WNT10B: variants seen among roughly 807,000 people sequenced by gnomAD.
WNT10B encodes Wnt family member 10B.
A neutral mutation model predicts 32.7 loss-of-function variants in WNT10B; 26 were observed. That is an observed-to-expected ratio of 0.79 (90% confidence interval 0.58 to 1.10). WNT10B has a LOEUF of 1.10. Ranked by LOEUF, WNT10B falls within the 50% of genes least tolerant of loss-of-function variation. The probability of loss-of-function intolerance (pLI) is 0.00; values close to 1 mark genes in which losing one functional copy is unlikely to be tolerated. For synonymous variants in WNT10B, 204 were observed against 220.4 expected (o/e 0.93, Z 0.66); for missense variants, 474 against 532.5 (o/e 0.89, Z 1.08).
rs1163832751 is a variant in WNT10B, at chr12:48,968,227, A to G, written c.430T>C (p.Cys144Arg). 5.6e-6 allele frequency: 9 copies of G among 1,612,570 alleles called. No homozygotes were observed. Among genetic ancestry groups the G allele is most frequent in the Non-Finnish European group, 6.8e-6 (8 of 1,180,020 alleles). ...TACSLGKLVSCGCGWKGSGEQ... is the reference protein window; with the variant it reads ...TACSLGKLVSRGCGWKGSGEQ... ...CCACTGCCCTTCCAGCCACAGCCAC[A>G]GCTCACCAGCTTGCCCAGGCTGCAG... Residue 144 changes from cysteine (C) to arginine (R), a missense_variant, in exon 4 of 5, where the codon TGT (cysteine) becomes CGT (arginine). By Grantham distance (180) the Cys-to-Arg change is radical (BLOSUM62 -3). Transcript: ENST00000301061.
chr12:48,968,182 C>G lies in WNT10B; in HGVS notation c.475G>C (p.Ala159Pro), dbSNP rs577800050. 5.6e-6 allele frequency: 9 copies of G among 1,613,988 alleles called. No homozygotes were observed. In the East Asian group the frequency reaches 1.1e-4, roughly 20 times the overall value. The change falls in exon 4 of 5, where the codon GCC (alanine) becomes CCC (proline). Residue 159 changes from alanine to proline, a missense_variant. Transcript: ENST00000301061. ...KGSGEQDRLR[A>P]KLLQLQALSR... ...AGTGCCTGCAGCTGCAGCAGTTTGG[C>G]CCTCAGCCGATCCTGCTCACCACTG...
chr12:48,968,059 T>G lies in WNT10B; in HGVS notation c.598A>C (p.Asn200His), dbSNP rs1317624988. ...TTCTCTCCAAAGTCCATGTCATGGT[T>G]ACAGCCACCCCATTCCCATGTGTCC... The part of the protein sequence containing the change: ...PQDTWEWGGC[N>H]HDMDFGEKFS... Residue 200 changes from asparagine to histidine, a missense_variant, in exon 4 of 5, where the codon AAC (asparagine) becomes CAC (histidine). Coordinates refer to ENST00000301061, the MANE Select transcript of WNT10B (RefSeq NM_003394.4). 2 of 1,614,274 alleles carry G rather than the reference T, an allele frequency of 1.2e-6. No homozygotes were observed. The highest frequency in any genetic ancestry group is 1.7e-6 in the Non-Finnish European group (2 of 1,180,048).
In WNT10B at chr12:48,968,264, T is replaced by C. The variant is rs750882560; in HGVS notation, c.393A>G (p.Ala131=). The C allele has an allele frequency of 1.6e-5, 25 of 1,607,686 alleles. No homozygotes were observed. Among genetic ancestry groups the C allele is most frequent in the Non-Finnish European group, 2.0e-5 (24 of 1,180,024 alleles). Residue 131 remains alanine, a synonymous_variant, in exon 4 of 5, where the codon GCA becomes GCG. Transcript: ENST00000301061. ...TGCCCAGGCTGCAGGCCGTGGCTACTGCGTGCATGACCCCAGCAGCCAGCA... is the reference window on the plus strand; with the variant it reads ...TGCCCAGGCTGCAGGCCGTGGCTACCGCGTGCATGACCCCAGCAGCCAGCA... ...FSMLAAGVMH[A]VATACSLGKL...
chr12:48,966,881 G>A (rs1940745199), intron 4 of WNT10B, among the ~76,000 whole-genome samples: 1 of 152,208 alleles, frequency 6.6e-6, no homozygotes. Flanking sequence ...CTGGCCCACA[G>A]CATGCCTAAA....
In WNT10B at chr12:48,970,027, C is replaced by T; in HGVS notation, c.337+62G>A. The T allele has an allele frequency of 1.4e-6, 2 of 1,393,028 alleles. No individual in the cohort carries two copies. Among genetic ancestry groups the T allele is most frequent in the Non-Finnish European group, 1.8e-6 (2 of 1,081,122 alleles). The allele number at this position is 1,393,028 out of a possible 1,614,324, so 86.3% of individuals were successfully genotyped here. ...AACCATCCCTTCCCGCCTCCGCGCG[C>T]CTCGCCCTGCCGCCCACCCCCTAGC... On this transcript the variant is annotated intron_variant, in intron 3 of 4. Coordinates refer to ENST00000301061, the MANE Select transcript of WNT10B (RefSeq NM_003394.4). This position sits in a 1 kb window ranked among gnomAD's most constrained non-coding sequence, Gnocchi z 5.0.
intron 4 of WNT10B, among the ~76,000 whole-genome samples, chr12:48,967,595 C>T (rs190109480): frequency 3.9e-5 from 6 of 152,178 alleles, no homozygotes; most frequent in South Asian, 2.1e-4. Flanking sequence ...CCACCGCGCC[C>T]GGCCCAGTCT....
At chr12:48,967,601 A>G (rs1470497806) in intron 4 of WNT10B, among the ~76,000 whole-genome samples, 1 of 151,956 alleles carries the variant, frequency 6.6e-6, no homozygotes, top group Non-Finnish European at 1.5e-5. Context: ...CGCCCGGCCC[A>G]GTCTGTTTTT....
Position 48,970,096 on chromosome 12 carries a change from G to T in WNT10B, c.330C>A (p.Leu110=), listed in dbSNP as rs746859204. 2.1e-5 allele frequency: 32 copies of T among 1,522,052 alleles called. No individual in the cohort carries two copies. Among genetic ancestry groups the T allele is most frequent in the Non-Finnish European group, 2.8e-5 (32 of 1,136,294 alleles). 94.3% of individuals were successfully genotyped at this position (1,522,052 alleles called of 1,614,324 possible). ...GGRLPHHSAI[L]KRGFRESAFS... ...CCGCCCAGCCAGGCTCACCGCGCTT[G>T]AGGATGGCGCTGTGGTGCGGCAGGC... Residue 110 remains leucine, a synonymous_variant, in exon 3 of 5, where the codon CTC becomes CTA. Coordinates refer to ENST00000301061, the MANE Select transcript of WNT10B (RefSeq NM_003394.4). This position sits in a 1 kb window ranked among gnomAD's most constrained non-coding sequence, Gnocchi z 5.0.
At position 48,968,132 on chromosome 12, in the gene WNT10B, G is replaced by C. The variant is rs1255985297; in HGVS notation, c.525C>G (p.His175Gln). 2 of 1,614,062 alleles carry C rather than the reference G, an allele frequency of 1.2e-6. No homozygotes were observed. The highest frequency in any genetic ancestry group is 1.7e-6 in the Non-Finnish European group (2 of 1,179,982). ...QALSRGKSFP[H>Q]SLPSPGPGSS... Reference sequence around the variant, plus strand: ...AGCCAGGGCCAGGGCTGGGCAGAGAGTGGGGGAAACTCTTGCCTCGGGACA... The same window carrying C: ...AGCCAGGGCCAGGGCTGGGCAGAGACTGGGGGAAACTCTTGCCTCGGGACA... The change falls in exon 4 of 5, where the codon CAC becomes CAG. Residue 175 changes from histidine (H) to glutamine (Q), a missense_variant. Physicochemically the swap from His to Gln is conservative, Grantham distance 24. Coordinates refer to ENST00000301061, the MANE Select transcript of WNT10B (RefSeq NM_003394.4).
chr12:48,967,607 T>C (rs1025804026), intron 4 of WNT10B, among the ~76,000 whole-genome samples: 9 of 152,022 alleles, frequency 5.9e-5, no homozygotes, highest in Admixed American at 5.9e-4. Context: ...GCCCAGTCTG[T>C]TTTTATATGT....
intron 3 of WNT10B, among the ~76,000 whole-genome samples, chr12:48,968,792 T>TG (rs1417305343): frequency 3.9e-4 from 59 of 151,734 alleles, no homozygotes; most frequent in African/African-American, 1.3e-3. Context: ...TTTTTTGTTT[T>TG]TTTTTTTTTA....
At chr12:48,967,060 G>A (rs529557096) in intron 4 of WNT10B, among the ~76,000 whole-genome samples, 54 of 152,228 alleles carry the variant, frequency 3.5e-4, no homozygotes, top group Admixed American at 1.8e-3. Context: ...GTGCCATCTC[G>A]GCTCACTGCA....
Position 48,967,254 on chromosome 12 carries a change from C to A in WNT10B, c.711+692G>T, listed in dbSNP as rs557414202. The stretch of plus-strand genomic sequence containing the variant: ...GATCTAGGCTCACTGCAACCTCTGC[C>A]TCCCAGGTTCAAGCGATTCTCCTGC... On this transcript the variant is annotated intron_variant, in intron 4 of 4. Coordinates refer to ENST00000301061, the MANE Select transcript of WNT10B (RefSeq NM_003394.4). Among the ~76,000 whole-genome samples the A allele has an allele frequency of 7.9e-5, 12 of 151,700 alleles. No individual in the cohort carries two copies. In the South Asian group the frequency reaches 2.3e-3, roughly 29 times the overall value.
At position 48,970,151 on chromosome 12, in the gene WNT10B, C is replaced by T. The variant is rs1164783554; in HGVS notation, c.275G>A (p.Trp92Ter). ...ECQHQLRDQR[W>*]NCSALEGGGR... ...GCCGCCCTCAAGCGCGGAGCAGTTC[C>T]AGCGCTGGTCGCGCAGCTGGTGCTG... The change falls in exon 3 of 5, where the codon TGG becomes TAG. Residue 92 changes from tryptophan (W) to a stop codon, truncating the protein, a stop_gained. Transcript: ENST00000301061. LOFTEE classifies it high-confidence loss of function. The surrounding 1 kb of genome is among the most constrained non-coding windows in gnomAD (Gnocchi z 5.0). The T allele has an allele frequency of 1.3e-6, 2 of 1,543,936 alleles. No individual in the cohort carries two copies. Among genetic ancestry groups the T allele is most frequent in the Admixed American group, 1.9e-5 (1 of 51,356 alleles).
At chr12:48,969,939 C>G in intron 3 of WNT10B, 150 bp downstream of exon 3, 1 of 1,044,422 alleles carries the variant, frequency 9.6e-7, no homozygotes, top group East Asian at 3.1e-5. Flanking sequence ...GTGGCCAGAC[C>G]TGGCTCAGAG....
In WNT10B at chr12:48,966,635, G is replaced by T. The variant is rs1182373766; in HGVS notation, c.712-82C>A. 2.7e-6 allele frequency: 4 copies of T among 1,502,164 alleles called. No homozygotes were observed. In the African/African-American group the frequency reaches 5.5e-5, roughly 21 times the overall value. The allele number at this position is 1,502,164 out of a possible 1,614,324, so 93.1% of individuals were successfully genotyped here. A position where few individuals can be genotyped will look rare whatever the true frequency, so the allele number is the denominator to read the frequency against. The stretch of plus-strand genomic sequence containing the variant: ...GAGGCACAGGAGAGGGAAGGGAACA[G>T]AGAACACAGGGAGGGACAAATGGAG... On this transcript the variant is annotated intron_variant, in intron 4 of 4. Transcript: ENST00000301061.
In WNT10B at chr12:48,970,325, A is replaced by G. The variant is rs766670692; in HGVS notation, c.101T>C (p.Leu34Pro). ...SRALSNEILG[L>P]KLPGEPPLTA... ...CAGCGGCGGCTCGCCAGGCAACTTC[A>G]GGCCCAGAATCTCATTGCTTAGAGC... Residue 34 changes from leucine (L) to proline (P), a missense_variant, in exon 3 of 5, where the codon CTG becomes CCG. Transcript: ENST00000301061. This position sits in a 1 kb window ranked among gnomAD's most constrained non-coding sequence, Gnocchi z 5.0. The G allele has an allele frequency of 5.0e-6, 8 of 1,613,884 alleles. No homozygotes were observed. The highest frequency in any genetic ancestry group is 6.8e-6 in the Non-Finnish European group (8 of 1,179,964).
At position 48,968,103 on chromosome 12, in the gene WNT10B, C is replaced by G. The variant is rs1356367831; in HGVS notation, c.554G>C (p.Ser185Thr). 1 of 1,614,220 alleles carries G rather than the reference C, an allele frequency of 6.2e-7. No individual in the cohort carries two copies. The highest frequency in any genetic ancestry group is 8.5e-7 in the Non-Finnish European group (1 of 1,180,030). The change falls in exon 4 of 5, where the codon AGC becomes ACC. Residue 185 changes from serine (S) to threonine (T), a missense_variant. Physicochemically the swap from Ser to Thr is moderately conservative, Grantham distance 58. Coordinates refer to ENST00000301061, the MANE Select transcript of WNT10B (RefSeq NM_003394.4). ...HSLPSPGPGS[S>T]PSPGPQDTWE... is the part of the protein sequence containing the mutation. The stretch of plus-strand genomic sequence containing the variant: ...TGTGTCCTGGGGGCCAGGGCTGGGG[C>G]TTGAGCCAGGGCCAGGGCTGGGCAG...
chr12:48,968,833 C>G (rs1940793560), intron 3 of WNT10B, among the ~76,000 whole-genome samples: 1 of 151,438 alleles, frequency 6.6e-6, no homozygotes, highest in Non-Finnish European at 1.5e-5. Flanking sequence ...AGTCTTTTAA[C>G]CAACCTACCT....
Sources: allele counts gnomAD v4.1 joint callset (sites outside exome capture counted in the v4.1 genomes callset), GRCh38; gene constraint gnomAD v4.1.1; non-coding constraint Gnocchi (gnomAD v3.1); transcripts MANE v1.5; gene names NCBI Gene and HGNC (gene_info 2026-07-23, HGNC 2026-07-21).